The following RHBDD1 variants were observed in gnomAD, a reference collection of about 807,000 sequenced individuals.
RHBDD1 encodes the protein rhomboid domain containing 1, also known as rhomboid-related protein 4.
In RHBDD1, 38 loss-of-function variants were observed where a neutral mutation model predicts 36.3. The observed-to-expected ratio is 1.05, with a 90% CI of 0.81 to 1.37. RHBDD1 has a LOEUF of 1.37. Among genes scored for constraint, RHBDD1 ranks in the 40% most tolerant of loss-of-function variants. The probability of loss-of-function intolerance (pLI) is 0.00; values close to 1 mark genes in which losing one functional copy is unlikely to be tolerated. For missense variants in RHBDD1, 393 were observed against 377.6 expected (o/e 1.04, Z -0.34); for synonymous variants, 151 against 136.5 (o/e 1.11, Z -0.74).
At chr2:226,897,198 T>C (rs1947164910) in intron 5 of RHBDD1, among the ~76,000 whole-genome samples, 1 of 152,160 alleles carries the variant, frequency 6.6e-6, no homozygotes, top group South Asian at 2.1e-4. Context: ...CTGAGCATGC[T>C]AGCTCCAGAT....
intron 8 of RHBDD1, among the ~76,000 whole-genome samples, chr2:226,992,445 G>A (rs1456921670): frequency 6.6e-6 from 1 of 152,236 alleles, no homozygotes; most frequent in Non-Finnish European, 1.5e-5. Flanking sequence ...ATAACACTGA[G>A]TTGGAAGGAT....
chr2:226,970,695 A>G (rs1953298971), intron 8 of RHBDD1, among the ~76,000 whole-genome samples: 1 of 152,162 alleles, frequency 6.6e-6, no homozygotes, highest in Non-Finnish European at 1.5e-5. Context: ...CCTGTGAAAT[A>G]TTTTCCAATG....
At chr2:226,835,219 G>A (rs1004300102), upstream of RHBDD1, among the ~76,000 whole-genome samples, 1 of 152,158 alleles carries the variant, frequency 6.6e-6, no homozygotes, top group Non-Finnish European at 1.5e-5. Flanking sequence ...CTGTAAGATA[G>A]TTTTTTCATA....
upstream of RHBDD1, among the ~76,000 whole-genome samples, chr2:226,832,398 A>G (rs1336947025): frequency 6.6e-6 from 1 of 152,192 alleles, no homozygotes; most frequent in Non-Finnish European, 1.5e-5. Flanking sequence ...ATGGTCTAAC[A>G]TAAGGCTATC....
chr2:226,973,937 C>G (rs1359629220), intron 8 of RHBDD1, among the ~76,000 whole-genome samples: 1 of 152,176 alleles, frequency 6.6e-6, no homozygotes, highest in East Asian at 1.9e-4. Context: ...CGCATGGGCT[C>G]TTTGATAGCA....
chr2:226,980,601 C>T (rs1955509597), intron 8 of RHBDD1, among the ~76,000 whole-genome samples: 1 of 152,186 alleles, frequency 6.6e-6, no homozygotes, highest in Admixed American at 6.5e-5. Context: ...TACACAGTCT[C>T]CCATCCACAC....
chr2:226,882,337 G>A (rs1261647802), intron 5 of RHBDD1, among the ~76,000 whole-genome samples: 1 of 150,354 alleles, frequency 6.7e-6, no homozygotes, highest in Non-Finnish European at 1.5e-5. Context: ...GGCTGAGGCA[G>A]GAGAATTGCT....
chr2:226,815,163 C>T, the RHBDD1 span, among the ~76,000 whole-genome samples: 1 of 152,138 alleles, frequency 6.6e-6, no homozygotes, highest in Non-Finnish European at 1.5e-5. Flanking sequence ...GTATAAATGG[C>T]CTGAATTTAT....
chr2:226,910,842 C>T (rs2125679823), intron 7 of RHBDD1, among the ~76,000 whole-genome samples: 1 of 152,196 alleles, frequency 6.6e-6, no homozygotes, highest in Non-Finnish European at 1.5e-5. Flanking sequence ...GAGATCTGTT[C>T]TCATTATAAT....
intron 5 of RHBDD1, among the ~76,000 whole-genome samples, chr2:226,883,851 T>G (rs1945987819): frequency 6.6e-6 from 1 of 152,236 alleles, no homozygotes; most frequent in Admixed American, 6.5e-5. Context: ...GTTAACTGTA[T>G]TTTACAGGAA....
At chr2:226,930,744 AAAGG>A (rs1368776372) in intron 8 of RHBDD1, among the ~76,000 whole-genome samples, 1 of 152,152 alleles carries the variant, frequency 6.6e-6, no homozygotes, top group East Asian at 1.9e-4. Flanking sequence ...TGTATCTGAC[AAAGG>A]ACTAATATCC....
intron 3 of RHBDD1, among the ~76,000 whole-genome samples, chr2:226,857,152 CAT>C (rs1205563748): frequency 6.6e-5 from 10 of 151,712 alleles, no homozygotes; most frequent in African/African-American, 9.7e-5. Context: ...TGCCTGTGAA[CAT>C]GTGTGTGTTT....
chr2:226,915,294 C>T (rs755671360), intron 8 of RHBDD1, among the ~76,000 whole-genome samples: 2 of 152,040 alleles, frequency 1.3e-5, no homozygotes, highest in Admixed American at 6.5e-5. Context: ...CGGGCATTCT[C>T]TGCAGAAGTC....
chr2:226,882,051 A>C (rs955399055), intron 5 of RHBDD1, among the ~76,000 whole-genome samples: 11 of 152,220 alleles, frequency 7.2e-5, no homozygotes, highest in Non-Finnish European at 1.6e-4. Flanking sequence ...ATGCTTATGG[A>C]TAATTTCTTT....
chr2:226,920,223 C>T (rs1393806431), intron 8 of RHBDD1, among the ~76,000 whole-genome samples: 3 of 151,960 alleles, frequency 2.0e-5, no homozygotes, highest in Non-Finnish European at 4.4e-5. Context: ...TGAAATGCTG[C>T]TGACTTTTGT....
At chr2:226,880,412 A>G (rs561836799) in intron 5 of RHBDD1, among the ~76,000 whole-genome samples, 105 of 152,354 alleles carry the variant, frequency 6.9e-4, no homozygotes, top group African/African-American at 2.5e-3. Flanking sequence ...GCCTCCCAGC[A>G]GGGGTTACAA....
intron 8 of RHBDD1, among the ~76,000 whole-genome samples, chr2:226,944,394 T>C (rs1423711772): frequency 6.6e-6 from 1 of 152,188 alleles, no homozygotes; most frequent in African/African-American, 2.4e-5. Context: ...CTCTTAGACC[T>C]TGCCACCAGG....
chr2:226,873,384 TAG>T (rs1196737085), intron 5 of RHBDD1, among the ~76,000 whole-genome samples: 1 of 152,066 alleles, frequency 6.6e-6, no homozygotes, highest in African/African-American at 2.4e-5. Context: ...GAGGGGGAGT[TAG>T]AGTGGAAAGA....
At chr2:226,958,352 G>A (rs890788243) in intron 8 of RHBDD1, among the ~76,000 whole-genome samples, 1 of 152,202 alleles carries the variant, frequency 6.6e-6, no homozygotes, top group African/African-American at 2.4e-5. Flanking sequence ...GAGTGCATTG[G>A]TGGAGCCAAG....
Sources: allele counts gnomAD v4.1 joint callset (sites outside exome capture counted in the v4.1 genomes callset), GRCh38; gene constraint gnomAD v4.1.1; transcripts MANE v1.5; gene names NCBI Gene and HGNC (gene_info 2026-07-23, HGNC 2026-07-21).